DNAJA4: variants seen among roughly 807,000 people sequenced by gnomAD.
DNAJA4 encodes dnaJ homolog subfamily A member 4.
A neutral mutation model predicts 39.7 loss-of-function variants in DNAJA4; 32 were observed. The ratio of observed to expected loss-of-function variants is 0.81; its 90% CI spans 0.61 to 1.08. The LOEUF is 1.08. Among genes scored for constraint, DNAJA4 ranks in the 50% least tolerant of loss-of-function variants. The pLI is 0.00. For missense variants in DNAJA4, 439 were observed against 505.1 expected, an observed-to-expected ratio of 0.87 and a Z score of 1.25; for synonymous variants, 184 against 182.4, an observed-to-expected ratio of 1.01 and a Z score of -0.07.
At chr15:78,271,209 T>G (rs2049285877) in intron 2 of DNAJA4, among the ~76,000 whole-genome samples, 1 of 152,210 alleles carries the variant, frequency 6.6e-6, no homozygotes, top group South Asian at 2.1e-4. Context: ...CCATATGAAG[T>G]AGCGAATGGA....
intron 3 of DNAJA4, among the ~76,000 whole-genome samples, chr15:78,273,804 T>C (rs1233143112): frequency 1.3e-5 from 2 of 152,234 alleles, no homozygotes; most frequent in Non-Finnish European, 2.9e-5. Context: ...AGCCTCACAT[T>C]GTCCCACAGA....
chr15:78,269,730 G>A (rs1413138293), intron 1 of DNAJA4, among the ~76,000 whole-genome samples: 1 of 151,790 alleles, frequency 6.6e-6, no homozygotes, highest in Non-Finnish European at 1.5e-5. Flanking sequence ...CCCTGTGCAG[G>A]ATCTGATCCA....
chr15:78,279,841 GCCAGAGT>G lies in DNAJA4; in HGVS notation c.878-202_878-196del, dbSNP rs1484884979. ...CACACTGCTGGAGCCCAGAGCACAGGCCAGAGTCTCAGCCTGAGCCCCTTCCCCAGGC... is the reference window on the plus strand; with the variant it reads ...CACACTGCTGGAGCCCAGAGCACAGGCTCAGCCTGAGCCCCTTCCCCAGGC... On this transcript the variant is annotated intron_variant, in intron 5 of 6. Coordinates refer to ENST00000394852, the MANE Select transcript of DNAJA4 (RefSeq NM_001130182.2). The surrounding 1 kb of genome is among the most constrained non-coding windows in gnomAD (Gnocchi z 4.5). The G allele has an allele frequency of 5.0e-6, 3 of 601,444 alleles. No individual in the cohort carries two copies. Among genetic ancestry groups the G allele is most frequent in the Non-Finnish European group, 8.9e-6 (3 of 338,980 alleles). The allele number at this position is 601,444 out of a possible 1,614,324, so 37.3% of individuals were successfully genotyped here.
At chr15:78,267,304 CA>C (rs1404969319) in intron 1 of DNAJA4, among the ~76,000 whole-genome samples, 1 of 152,046 alleles carries the variant, frequency 6.6e-6, no homozygotes, top group African/African-American at 2.4e-5. Context: ...AACGTCTCTT[CA>C]AAAATAGACT....
chr15:78,273,659 A>G (rs1386497507), intron 3 of DNAJA4, among the ~76,000 whole-genome samples: 1 of 152,228 alleles, frequency 6.6e-6, no homozygotes, highest in East Asian at 1.9e-4. Context: ...GGACATGCCT[A>G]TGTTCCAGTA....
At chr15:78,272,617 G>T (rs1244857806) in intron 2 of DNAJA4, among the ~76,000 whole-genome samples, 1 of 152,154 alleles carries the variant, frequency 6.6e-6, no homozygotes, top group Non-Finnish European at 1.5e-5. Context: ...GCAGAGGAAA[G>T]AATTCCCATT....
In DNAJA4 at chr15:78,264,749, C is replaced by G; in HGVS notation, c.-15C>G. ...CGCTCTGACCGGCCTCGCCCGCCCC[C>G]CCCGCAGACACAAGATGGTGAAGGA... On this transcript the variant is annotated 5_prime_UTR_variant, in exon 1 of 7. Coordinates refer to ENST00000394852, the MANE Select transcript of DNAJA4 (RefSeq NM_001130182.2). 1 of 1,569,258 alleles carries G rather than the reference C, an allele frequency of 6.4e-7. No homozygotes were observed. The highest frequency in any genetic ancestry group is 2.4e-5 in the East Asian group (1 of 41,310).
chr15:78,267,851 A>C (rs933515786), intron 1 of DNAJA4, among the ~76,000 whole-genome samples: 2 of 152,178 alleles, frequency 1.3e-5, no homozygotes. Context: ...GTTGTTACGT[A>C]GTCTTCAAAG....
chr15:78,269,011 G>A (rs2049221617), intron 1 of DNAJA4, among the ~76,000 whole-genome samples: 1 of 152,210 alleles, frequency 6.6e-6, no homozygotes, highest in African/African-American at 2.4e-5. Flanking sequence ...GAGTCGGGAG[G>A]CCGCACCAGG....
At chr15:78,266,386 A>G in intron 1 of DNAJA4, 1 of 1,139,984 alleles carries the variant, frequency 8.8e-7, no homozygotes, top group Non-Finnish European at 1.3e-6. Context: ...CCTGTACTAC[A>G]TATGTGTAGG....
At chr15:78,277,840 T>G in intron 5 of DNAJA4, 1 of 350,678 alleles carries the variant, frequency 2.9e-6, no homozygotes, top group Non-Finnish European at 5.6e-6. Context: ...AGAAATCCAT[T>G]TCCTTCTTTA....
rs2049602036 is a variant in DNAJA4 at position 78,279,873 on chromosome 15, C to G, written c.878-172C>G. 8.0e-6 allele frequency: 5 copies of G among 624,842 alleles called. No individual in the cohort carries two copies. The highest frequency in any genetic ancestry group is 5.8e-5 in the Admixed American group (2 of 34,272). The allele number at this position is 624,842 out of a possible 1,614,324, so 38.7% of individuals were successfully genotyped here. ...TCTCAGCCTGAGCCCCTTCCCCAGG[C>G]AGTACCTGACAAGGATACCTGGGAT... On this transcript the variant is annotated intron_variant, in intron 5 of 6. Transcript: ENST00000394852. The surrounding 1 kb of genome is among the most constrained non-coding windows in gnomAD (Gnocchi z 4.5).
chr15:78,270,773 T>C, intron 2 of DNAJA4, 96 bp downstream of exon 2: 3 of 1,374,122 alleles, frequency 2.2e-6, no homozygotes, highest in Non-Finnish European at 3.0e-6. Context: ...AAGGATATGA[T>C]TGGGCCAGGC....
At chr15:78,272,970 A>C in intron 2 of DNAJA4, 125 bp from the exon 3 acceptor site, 20 of 662,946 alleles carry the variant, frequency 3.0e-5, no homozygotes, top group Non-Finnish European at 4.3e-5. Context: ...CAGGGAAGGG[A>C]GCGCATGACC....
chr15:78,272,990 T>C (rs1280815877), intron 2 of DNAJA4, 105 bp from the exon 3 acceptor site: 1 of 726,190 alleles, frequency 1.4e-6, no homozygotes, highest in Non-Finnish European at 2.4e-6. Flanking sequence ...CCAGCCACAG[T>C]CTTGAGTCTC....
rs568510542 is a variant in DNAJA4, at chr15:78,281,069, G to A, written c.*609G>A. On this transcript the variant is annotated 3_prime_UTR_variant, in exon 7 of 7. Transcript: ENST00000394852. Reference sequence around the variant, plus strand: ...GTGCCCTTCAGTGGATGGAACGTGAGTGTCTGATCATCTCTCTTGGAAGTT... The same window carrying A: ...GTGCCCTTCAGTGGATGGAACGTGAATGTCTGATCATCTCTCTTGGAAGTT... 1 of 153,100 alleles carries A rather than the reference G, an allele frequency of 6.5e-6. No individual in the cohort carries two copies. Among genetic ancestry groups the A allele is most frequent in the East Asian group, 1.9e-4 (1 of 5,188 alleles). The allele number at this position is 153,100 out of a possible 1,614,324, so 9.5% of individuals were successfully genotyped here.
rs1377456241 is a variant in DNAJA4 at position 78,275,227 on chromosome 15, C to CGGGGCAG, written c.647-271_647-270insGGGGCAG. On this transcript the variant is annotated intron_variant, in intron 4 of 6. Transcript: ENST00000394852. Reference sequence around the variant, plus strand: ...TGCTGGTGGTGTGGCATCACAGGCCCTGGGCAGGGAGTGCTGTGTAAACCT... The same window carrying CGGGGCAG: ...TGCTGGTGGTGTGGCATCACAGGCCCGGGGCAGTGGGCAGGGAGTGCTGTGTAAACCT... 21 of 442,316 alleles carry CGGGGCAG rather than the reference C, an allele frequency of 4.7e-5. No individual in the cohort carries two copies. The East Asian group carries it at 7.5e-4, about 16-fold the overall frequency. The allele number at this position is 442,316 out of a possible 1,614,324, so 27.4% of individuals were successfully genotyped here. A position where few individuals can be genotyped will look rare whatever the true frequency, so the allele number is the denominator to read the frequency against.
intron 4 of DNAJA4, chr15:78,274,633 GT>G (rs1444955245): frequency 1.7e-6 from 1 of 589,954 alleles, no homozygotes; most frequent in East Asian, 2.9e-5. Context: ...TCTTGCTGAG[GT>G]TTACTTCCTT....
At chr15:78,270,057 GATGCCT>G (rs2049250686) in intron 1 of DNAJA4, 1 of 154,186 alleles carries the variant, frequency 6.5e-6, no homozygotes, top group Non-Finnish European at 1.4e-5. Context: ...GATGCTCACA[GATGCCT>G]GTAGTTGAAT....
Sources: allele counts gnomAD v4.1 joint callset (sites outside exome capture counted in the v4.1 genomes callset), GRCh38; gene constraint gnomAD v4.1.1; non-coding constraint Gnocchi (gnomAD v3.1); transcripts MANE v1.5; gene names NCBI Gene and HGNC (gene_info 2026-07-23, HGNC 2026-07-21).